Variants in ABCG5 observed in about 807,000 individuals in gnomAD.
ABCG5 encodes ATP binding cassette subfamily G member 5.
ABCG5 carries 64 observed loss-of-function variants against 64.5 expected under a neutral mutation model. That is an observed-to-expected ratio of 0.99 (90% CI 0.81 to 1.22). The LOEUF (loss-of-function observed/expected upper bound fraction) is 1.22. ABCG5 is among the 50% of genes most tolerant of loss of function. The probability of loss-of-function intolerance (pLI) is 0.00; values close to 1 mark genes in which losing one functional copy is unlikely to be tolerated. For synonymous variants in ABCG5, 385 were observed against 326.3 expected (o/e 1.18, Z -1.94); for missense variants, 908 against 829.5 (o/e 1.09, Z -1.16).
rs1214033245 is a variant in ABCG5 at position 43,813,709 on chromosome 2, G to GTTTTTTTTTTTTTT, written c.1763-414_1763-401dup. 2.7e-3 allele frequency among the ~76,000 whole-genome samples: 93 copies of GTTTTTTTTTTTTTT among 34,054 alleles called. 3 individuals carry two copies. Among genetic ancestry groups the GTTTTTTTTTTTTTT allele is most frequent in the Non-Finnish European group, 3.4e-3 (63 of 18,608 alleles). The allele number at this position is 34,054 out of a possible 152,430, so 22.3% of individuals were successfully genotyped here. On this transcript the variant is annotated intron_variant, in intron 12 of 12. Coordinates refer to ENST00000405322, the MANE Select transcript of ABCG5 (RefSeq NM_022436.3). Reference sequence around the variant, plus strand: ...TGTTTTTTTTGGGGTTTTTTTTTTCGTTTTTTTTTTTTTTTTTTTTTTTTT... The same window carrying GTTTTTTTTTTTTTT: ...TGTTTTTTTTGGGGTTTTTTTTTTCGTTTTTTTTTTTTTTTTTTTTTTTTTTTTTTTTTTTTTTT...
chr2:43,822,592 G>T (rs1436960191), intron 10 of ABCG5: 1 of 984,328 alleles, frequency 1.0e-6, no homozygotes, highest in Non-Finnish European at 1.2e-6. Context: ...TTGTTGGTTT[G>T]TTCTCAGGTC....
Position 43,822,854 on chromosome 2 carries a change from A to C in ABCG5, c.1406T>G (p.Leu469Arg). The C allele has an allele frequency of 6.2e-7, 1 of 1,614,178 alleles. No homozygotes were observed. Among genetic ancestry groups the C allele is most frequent in the Non-Finnish European group, 8.5e-7 (1 of 1,180,026 alleles). ...QKWQMMLAYALHVLPFSVVAT... is the reference protein window; with the variant it reads ...QKWQMMLAYARHVLPFSVVAT... ...AACAACGCTGAAGGGGAGGACGTGC[A>C]GTGCATAGGCCAGCATCATCTGCCA... Residue 469 changes from leucine to arginine, a missense_variant, in exon 10 of 13, where the codon CTG becomes CGG. Transcript: ENST00000405322.
At chr2:43,828,889 C>G (rs1053271684) in intron 4 of ABCG5, among the ~76,000 whole-genome samples, 1 of 136,828 alleles carries the variant, frequency 7.3e-6, no homozygotes, top group Admixed American at 7.4e-5. Flanking sequence ...TGCTTGAACC[C>G]GGGAGGCCAA....
chr2:43,822,363 C>T (rs1410075469), intron 10 of ABCG5: 3 of 234,650 alleles, frequency 1.3e-5, no homozygotes, highest in African/African-American at 7.0e-5. Context: ...TCCTGCTTCT[C>T]TTTCTACCTC....
At chr2:43,837,718 A>G (rs1295573166) in intron 2 of ABCG5, 116 bp downstream of exon 2, 10 of 1,383,796 alleles carry the variant, frequency 7.2e-6, no homozygotes, top group Non-Finnish European at 1.0e-5. Context: ...TCAGATATCA[A>G]TAGAATTCAT....
intron 2 of ABCG5, chr2:43,832,708 C>T (rs558054834): frequency 6.4e-6 from 1 of 155,664 alleles, no homozygotes; most frequent in African/African-American, 2.4e-5. Context: ...GCACTAGAGC[C>T]TGGGGCATAG....
intron 5 of ABCG5, among the ~76,000 whole-genome samples, chr2:43,826,900 CTG>C (rs1025358261): frequency 1.3e-5 from 2 of 152,334 alleles, no homozygotes; most frequent in South Asian, 4.1e-4. Context: ...CATTTCATGT[CTG>C]TAACACTTTC....
At chr2:43,818,055 T>C (rs1220833839) in intron 11 of ABCG5, among the ~76,000 whole-genome samples, 2 of 152,234 alleles carry the variant, frequency 1.3e-5, no homozygotes, top group Admixed American at 1.3e-4. Flanking sequence ...GCCTATTTTA[T>C]AATAAATTGT....
In ABCG5 at chr2:43,838,719, C is replaced by T. The variant is rs766839503; in HGVS notation, c.-40G>A. On this transcript the variant is annotated 5_prime_UTR_variant, in exon 1 of 13. Transcript: ENST00000405322. This position sits in a 1 kb window ranked among gnomAD's most constrained non-coding sequence, Gnocchi z 4.2. ...AAAGCTGGGCAAATTTTCTGGTGGC[C>T]GGACCCTCCCCAGAGTGGCTTCAGT... 26 of 1,607,626 alleles carry T rather than the reference C, an allele frequency of 1.6e-5. No individual in the cohort carries two copies. Among genetic ancestry groups the T allele is most frequent in the South Asian group, 1.0e-4 (9 of 89,898 alleles).
intron 6 of ABCG5, 52 bp from the exon 7 acceptor site, chr2:43,825,070 C>T (rs1379461821): frequency 6.2e-7 from 1 of 1,602,148 alleles, no homozygotes; most frequent in Non-Finnish European, 8.5e-7. Context: ...TAGCGATGCA[C>T]TTTGAATGTC....
intron 2 of ABCG5, among the ~76,000 whole-genome samples, chr2:43,834,705 C>T (rs918562516): frequency 2.6e-5 from 4 of 152,184 alleles, no homozygotes; most frequent in Admixed American, 6.5e-5. Context: ...CCCTAAAGGG[C>T]GATAAAACTA....
intron 2 of ABCG5, among the ~76,000 whole-genome samples, chr2:43,833,674 G>A (rs1668087869): frequency 6.7e-6 from 1 of 148,906 alleles, no homozygotes; most frequent in South Asian, 2.1e-4. Context: ...GTGAGCCACC[G>A]GGCCCAGCCC....
chr2:43,823,529 G>T (rs1210417308), intron 9 of ABCG5, among the ~76,000 whole-genome samples: 1 of 152,136 alleles, frequency 6.6e-6, no homozygotes, highest in Non-Finnish European at 1.5e-5. Context: ...ATTAGGTGCT[G>T]GCTGTCCTAA....
At chr2:43,815,036 C>A (rs1288912505) in intron 11 of ABCG5, among the ~76,000 whole-genome samples, 5 of 152,108 alleles carry the variant, frequency 3.3e-5, no homozygotes, top group Admixed American at 2.6e-4. Flanking sequence ...GTAAGCACTA[C>A]TGATATAAAC....
chr2:43,816,724 G>T (rs1666857641), intron 11 of ABCG5, among the ~76,000 whole-genome samples: 1 of 152,054 alleles, frequency 6.6e-6, no homozygotes, highest in Non-Finnish European at 1.5e-5. Flanking sequence ...ATATTATGTT[G>T]TTAAATGGGA....
rs142109022 is a variant in ABCG5, at chr2:43,819,943, C to T, written c.1621G>A (p.Gly541Arg). ...AGGAATCCAGATCCAACAAGCACCC[C>T]CGCAATGGACAGCAGAGCCACTACA... ...NSVVALLSIAGVLVGSGFLRN... is the reference protein window; with the variant it reads ...NSVVALLSIARVLVGSGFLRN... Residue 541 changes from glycine to arginine, a missense_variant, in exon 11 of 13, where the codon GGG becomes AGG. By Grantham distance (125) the Gly-to-Arg change is moderately radical. Coordinates refer to ENST00000405322, the MANE Select transcript of ABCG5 (RefSeq NM_022436.3). 6.2e-7 allele frequency: 1 copy of T among 1,614,130 alleles called. No homozygotes were observed. The highest frequency in any genetic ancestry group is 2.2e-5 in the East Asian group (1 of 44,886).
At chr2:43,807,544 A>G (rs1173286262), downstream of ABCG5, among the ~76,000 whole-genome samples, 1 of 151,762 alleles carries the variant, frequency 6.6e-6, no homozygotes, top group African/African-American at 2.4e-5. Context: ...GGCTCAAGGG[A>G]TCCTCCCATC....
chr2:43,839,214 C>G, upstream of ABCG5: 5 of 1,301,576 alleles, frequency 3.8e-6, no homozygotes, highest in Non-Finnish European at 5.4e-6. Context: ...CTAGCACCAC[C>G]CGGACATCAA....
intron 11 of ABCG5, among the ~76,000 whole-genome samples, chr2:43,815,910 G>GAAAAAAAAAAAAAAAAA (rs4148200): frequency 1.9e-5 from 2 of 104,056 alleles, no homozygotes; most frequent in Non-Finnish European, 4.2e-5. Flanking sequence ...AACAGGAAAA[G>GAAAAAAAAAAAAAAAAA]AAAAAAAAAA....
Sources: allele counts gnomAD v4.1 joint callset (sites outside exome capture counted in the v4.1 genomes callset), GRCh38; gene constraint gnomAD v4.1.1; non-coding constraint Gnocchi (gnomAD v3.1); transcripts MANE v1.5; gene names NCBI Gene and HGNC (gene_info 2026-07-23, HGNC 2026-07-21).